The following SCP2 variants were observed in gnomAD, a reference collection of about 807,000 sequenced individuals.
SCP2 encodes sterol carrier protein 2.
Under a neutral mutation model 71.4 loss-of-function variants are expected in SCP2, and 48 were observed. The observed-to-expected ratio is 0.67, with a 90% CI of 0.53 to 0.86. SCP2 has a LOEUF of 0.86. SCP2 is among the 40% of genes least tolerant of loss of function. SCP2 has a pLI of 0.00. For synonymous variants in SCP2, 220 were observed against 218.1 expected (o/e 1.01, Z -0.08); for missense variants, 560 against 655.6 (o/e 0.85, Z 1.59).
rs1006039079 is a variant in SCP2, at chr1:52,938,268, G to A, written c.70-3528G>A. Among the ~76,000 whole-genome samples, 3 of 152,116 alleles carry A rather than the reference G, an allele frequency of 2.0e-5. 1 individual carries two copies. The highest frequency in any genetic ancestry group is 2.0e-4 in the Admixed American group (3 of 15,270). Reference sequence around the variant, plus strand: ...AAATAAGAATAAATATTTCATGAAAGTTTTGCTTCACTTATGTATGTATAT... The same window carrying A: ...AAATAAGAATAAATATTTCATGAAAATTTTGCTTCACTTATGTATGTATAT... On this transcript the variant is annotated intron_variant, in intron 1 of 15. Coordinates refer to ENST00000371514, the MANE Select transcript of SCP2 (RefSeq NM_002979.5).
At chr1:52,931,394 A>C (rs1055010273) in intron 1 of SCP2, among the ~76,000 whole-genome samples, 1 of 152,234 alleles carries the variant, frequency 6.6e-6, no homozygotes, top group African/African-American at 2.4e-5. Context: ...TTTTACCACC[A>C]GGTGACTTTA....
chr1:52,952,017 TGTGA>T (rs941750163), intron 4 of SCP2, among the ~76,000 whole-genome samples: 2 of 152,052 alleles, frequency 1.3e-5, no homozygotes, highest in African/African-American at 4.8e-5. Flanking sequence ...CAAAGTGAGG[TGTGA>T]GGCTTACCTT....
At chr1:52,987,162 C>T (rs998279662) in intron 10 of SCP2, among the ~76,000 whole-genome samples, 20 of 151,996 alleles carry the variant, frequency 1.3e-4, no homozygotes, top group Admixed American at 7.9e-4. Flanking sequence ...CTACCTGCCT[C>T]GGCCTCCCAA....
At chr1:53,023,965 C>T (rs1402200207) in intron 12 of SCP2, among the ~76,000 whole-genome samples, 2 of 152,156 alleles carry the variant, frequency 1.3e-5, no homozygotes, top group African/African-American at 4.8e-5. Flanking sequence ...ACCCACTACA[C>T]GAGAATTACA....
Position 53,014,990 on chromosome 1 carries a change from T to C in SCP2, c.1182T>C (p.Ile394=), listed in dbSNP as rs1572188214. The C allele has an allele frequency of 6.2e-7, 1 of 1,614,098 alleles. No individual in the cohort carries two copies. Among genetic ancestry groups the C allele is most frequent in the Non-Finnish European group, 8.5e-7 (1 of 1,179,986 alleles). The change falls in exon 12 of 16, where the codon ATT becomes ATC. Residue 394 remains isoleucine, a synonymous_variant. Transcript: ENST00000371514. ...AKVALQHNLG[I]GGAVVVTLYK... is the part of the protein sequence containing the mutation. ...TGGCTCTGCAGCATAATTTAGGCAT[T>C]GGAGGAGCTGTGGTTGTAACACTCT...
intron 8 of SCP2, 121 bp downstream of exon 8, chr1:52,976,890 G>A: frequency 1.5e-6 from 1 of 678,660 alleles, no homozygotes; most frequent in South Asian, 1.6e-5. Flanking sequence ...TCCTCCCAGT[G>A]CCGTCCCCAC....
chr1:52,935,161 G>A (rs1021254591), intron 1 of SCP2: 1 of 151,988 alleles, frequency 6.6e-6, no homozygotes, highest in African/African-American at 2.4e-5. Flanking sequence ...AGCTACTCAG[G>A]AGGCTGAGGC....
chr1:52,991,504 G>T (rs181009335), intron 11 of SCP2, among the ~76,000 whole-genome samples: 292 of 152,096 alleles, frequency 1.9e-3, no homozygotes, highest in Non-Finnish European at 2.7e-3. Flanking sequence ...AGGTTCAAGC[G>T]ATTCTTCTGC....
intron 6 of SCP2, among the ~76,000 whole-genome samples, chr1:52,968,199 C>T (rs1572106534): frequency 6.6e-6 from 1 of 152,184 alleles, no homozygotes; most frequent in African/African-American, 2.4e-5. Context: ...GTCTTGGCCT[C>T]CCAAAGTGCC....
At chr1:52,929,373 A>G (rs1652913428) in intron 1 of SCP2, among the ~76,000 whole-genome samples, 1 of 151,940 alleles carries the variant, frequency 6.6e-6, no homozygotes. Context: ...TTTTTTGTAG[A>G]GACAGGGTCT....
At chr1:53,040,692 G>A (rs954392925) in intron 14 of SCP2, among the ~76,000 whole-genome samples, 3 of 152,084 alleles carry the variant, frequency 2.0e-5, no homozygotes, top group Admixed American at 6.5e-5. Context: ...CTGCACTCCA[G>A]CCTGGGCGAC....
At chr1:53,013,522 G>A (rs1029773338) in intron 11 of SCP2, among the ~76,000 whole-genome samples, 3 of 151,940 alleles carry the variant, frequency 2.0e-5, no homozygotes, top group African/African-American at 7.3e-5. Flanking sequence ...TGGAACCTGG[G>A]AGGTGGAGGT....
At chr1:52,975,825 C>G (rs1326453452) in intron 7 of SCP2, among the ~76,000 whole-genome samples, 3 of 152,102 alleles carry the variant, frequency 2.0e-5, no homozygotes, top group Non-Finnish European at 4.4e-5. Flanking sequence ...CATGAAGCGC[C>G]TAGGAGTTAA....
chr1:53,004,394 A>C (rs4926583), intron 11 of SCP2, among the ~76,000 whole-genome samples: 21,535 of 152,190 alleles, frequency 0.14, 2,028 homozygotes, highest in Non-Finnish European at 0.21. Context: ...CTCTGAGCCC[A>C]AGCTAAGCCA....
chr1:53,008,037 G>C (rs1660741477), intron 11 of SCP2, among the ~76,000 whole-genome samples: 1 of 151,858 alleles, frequency 6.6e-6, no homozygotes, highest in Non-Finnish European at 1.5e-5. Flanking sequence ...AGAAGAAATG[G>C]ATAAATTCCT....
rs187515400 is a variant in SCP2, at chr1:53,042,314, A to T, written c.1468+3268A>T. ...GGTTAATGGTTACTTTTATATTTAG[A>T]TATGCCCATACTGATATTAAGGTTG... On this transcript the variant is annotated intron_variant, in intron 14 of 15. Coordinates refer to ENST00000371514, the MANE Select transcript of SCP2 (RefSeq NM_002979.5). 4.8e-4 allele frequency among the ~76,000 whole-genome samples: 72 copies of T among 151,138 alleles called. No individual in the cohort carries two copies. In the East Asian group the frequency reaches 0.012, roughly 25 times the overall value.
At chr1:53,047,573 A>G (rs1187924585) in intron 14 of SCP2, among the ~76,000 whole-genome samples, 1 of 152,222 alleles carries the variant, frequency 6.6e-6, no homozygotes, top group African/African-American at 2.4e-5. Context: ...TTTTCATGTC[A>G]GTAAATCCAG....
intron 13 of SCP2, among the ~76,000 whole-genome samples, chr1:53,033,004 T>C (rs954585830): frequency 2.0e-5 from 3 of 152,210 alleles, no homozygotes; most frequent in Admixed American, 1.3e-4. Context: ...GTGAGCTCTT[T>C]TAAGGGAAGC....
At chr1:52,971,849 C>A (rs1657527923) in intron 6 of SCP2, among the ~76,000 whole-genome samples, 1 of 152,180 alleles carries the variant, frequency 6.6e-6, no homozygotes, top group African/African-American at 2.4e-5. Context: ...CCAGTTTTTA[C>A]ACAGAAAGGT....
Sources: gnomAD v4.1 joint callset for allele counts (sites outside exome capture counted in the v4.1 genomes callset) on GRCh38, gnomAD v4.1.1 for gene constraint, MANE v1.5 for transcripts, NCBI Gene and HGNC (gene_info 2026-07-23, HGNC 2026-07-21) for gene names.